Variants in POLA1 observed in about 807,000 individuals in gnomAD.
The protein encoded by POLA1 is DNA polymerase alpha catalytic subunit.
In POLA1, 15 loss-of-function variants were observed where a neutral mutation model predicts 124.0. The observed-to-expected ratio is 0.12, with a 90% CI of 0.08 to 0.19. The LOEUF (loss-of-function observed/expected upper bound fraction) is 0.19, where lower values mean the gene tolerates loss of function less well. Among genes scored for constraint, POLA1 ranks in the 10% least tolerant of loss-of-function variants. POLA1 has a pLI of 1.00. For synonymous variants in POLA1, 408 were observed against 389.4 expected (o/e 1.05, Z -0.56); for missense variants, 886 against 1,103.4 (o/e 0.80, Z 2.79).
rs762824656 is a variant in POLA1, at chrX:24,739,457, G to A, written c.2123G>A (p.Arg708His). The A allele has an allele frequency of 6.7e-6, 8 of 1,191,300 alleles. No homozygotes were observed. Among genetic ancestry groups the A allele is most frequent in the Middle Eastern group, 2.3e-4 (1 of 4,317 alleles). The stretch of plus-strand genomic sequence containing the variant: ...GAAATTTCAGCAAAGGAATTGATTC[G>A]TTGTAAAAGCTACCATCTGTCTGAA... ...DVEISAKELI[R>H]CKSYHLSELV... The change falls in exon 20 of 37, where the codon CGT becomes CAT. Residue 708 changes from arginine to histidine, a missense_variant. Physicochemically the swap from Arg to His is conservative, Grantham distance 29. Coordinates refer to ENST00000379068, the MANE Select transcript of POLA1 (RefSeq NM_001330360.2).
rs1248621629 is a variant in POLA1, at chrX:24,865,585, CAG to C, written c.4047+21912_4047+21913del. Among the ~76,000 whole-genome samples the C allele has an allele frequency of 3.6e-5, 4 of 111,694 alleles. No individual in the cohort carries two copies. The Admixed American group carries it at 3.8e-4, about 11-fold the overall frequency. On this transcript the variant is annotated intron_variant, in intron 34 of 36. Transcript: ENST00000379068. ...CCTCTGTCAAGGAACTATTAAAACA[CAG>C]AGATTTTTAAATATGCATATTCTAA...
chrX:24,910,881 T>G (rs1310355282), intron 35 of POLA1, among the ~76,000 whole-genome samples: 1 of 111,960 alleles, frequency 8.9e-6, no homozygotes, highest in Non-Finnish European at 1.9e-5. Flanking sequence ...GAACTGACAA[T>G]CTGATTAATA....
At chrX:24,719,480 A>G (rs771803283) in intron 10 of POLA1, among the ~76,000 whole-genome samples, 56 of 111,730 alleles carry the variant, frequency 5.0e-4, no homozygotes, top group African/African-American at 1.6e-3. Flanking sequence ...CTCTTTGACT[A>G]TTTTGTTACT....
rs2045407803 is a variant in POLA1 at position 24,788,317 on chromosome X, C to T, written c.2965-21581C>T. The T allele has an allele frequency of 5.3e-5, 53 of 1,001,797 alleles. No individual in the cohort carries two copies. In the South Asian group the frequency reaches 1.2e-3, roughly 23 times the overall value. The allele number at this position is 1,001,797 out of a possible 1,213,427, so 82.6% of individuals were successfully genotyped here. A position where few individuals can be genotyped will look rare whatever the true frequency, so the allele number is the denominator to read the frequency against. On this transcript the variant is annotated intron_variant, in intron 26 of 36. Coordinates refer to ENST00000379068, the MANE Select transcript of POLA1 (RefSeq NM_001330360.2). ...TAAGATTGGGAACAAGATAAGGATG[C>T]CCACTTTTACTACTTCTTTTTTTTT... is the stretch of plus-strand genomic sequence containing the variant.
At chrX:24,868,077 G>A (rs2046818003) in intron 34 of POLA1, among the ~76,000 whole-genome samples, 1 of 111,745 alleles carries the variant, frequency 8.9e-6, no homozygotes, top group African/African-American at 3.3e-5. Flanking sequence ...CTGTACGAAA[G>A]CTGCCCCTTA....
At chrX:24,733,064 T>C (rs957483672) in intron 16 of POLA1, among the ~76,000 whole-genome samples, 1 of 112,288 alleles carries the variant, frequency 8.9e-6, no homozygotes, top group Non-Finnish European at 1.9e-5. Context: ...AATAATACCA[T>C]TGACCTATTA....
intron 36 of POLA1, among the ~76,000 whole-genome samples, chrX:24,965,963 G>A (rs2048217056): frequency 8.9e-6 from 1 of 111,758 alleles, no homozygotes; most frequent in Non-Finnish European, 1.9e-5. Flanking sequence ...CCTCTGATTG[G>A]CAATTCAAAT....
At chrX:24,800,577 G>A (rs987411686) in intron 26 of POLA1, among the ~76,000 whole-genome samples, 2 of 111,833 alleles carry the variant, frequency 1.8e-5, no homozygotes, top group Non-Finnish European at 3.8e-5. Context: ...GATATAACCC[G>A]AAGAATGGCA....
chrX:24,912,123 G>C (rs1426559220), intron 35 of POLA1, among the ~76,000 whole-genome samples: 2 of 112,231 alleles, frequency 1.8e-5, no homozygotes, highest in Admixed American at 1.9e-4. Context: ...ATGGAGAAGG[G>C]GTAGTCCTTT....
chrX:24,738,041 G>A (rs41549915), intron 19 of POLA1, among the ~76,000 whole-genome samples: 1 of 101,659 alleles, frequency 9.8e-6, no homozygotes, highest in Non-Finnish European at 1.9e-5. Flanking sequence ...GTGAAACCCC[G>A]TCTCTACTAA....
At chrX:24,943,713 C>T (rs1266544416) in intron 36 of POLA1, among the ~76,000 whole-genome samples, 1 of 112,527 alleles carries the variant, frequency 8.9e-6, no homozygotes, top group Non-Finnish European at 1.9e-5. Context: ...GACTAAACTA[C>T]ACTTGTCAAA....
intron 26 of POLA1, among the ~76,000 whole-genome samples, chrX:24,801,926 T>TGTGTGTGTGTGTGG (rs2045716409): frequency 1.2e-5 from 1 of 85,573 alleles, no homozygotes; most frequent in East Asian, 3.8e-4. Flanking sequence ...GGTGGGTGGG[T>TGTGTGTGTGTGTGG]GTGTGTGTGT....
rs776861910 is a variant in POLA1 at position 24,995,963 on chromosome X, A to C, written c.*13A>C. The C allele has an allele frequency of 8.3e-6, 10 of 1,202,373 alleles. No homozygotes were observed. The highest frequency in any genetic ancestry group is 1.8e-5 in the African/African-American group (1 of 56,725). On this transcript the variant is annotated 3_prime_UTR_variant, in exon 37 of 37. Coordinates refer to ENST00000379068, the MANE Select transcript of POLA1 (RefSeq NM_001330360.2). Reference sequence around the variant, plus strand: ...CGTGAAATCCTAAGGGAATCCCAGGAGTAACCAAGGAGGGGGTAGTTGAAA... The same window carrying C: ...CGTGAAATCCTAAGGGAATCCCAGGCGTAACCAAGGAGGGGGTAGTTGAAA...
intron 32 of POLA1, among the ~76,000 whole-genome samples, chrX:24,832,623 T>C (rs1411549671): frequency 8.9e-6 from 1 of 112,313 alleles, no homozygotes; most frequent in Non-Finnish European, 1.9e-5. Flanking sequence ...ATTGTTTTAA[T>C]TAAGTACACC....
intron 35 of POLA1, among the ~76,000 whole-genome samples, chrX:24,926,121 G>A (rs1224316178): frequency 9.2e-6 from 1 of 108,767 alleles, no homozygotes; most frequent in African/African-American, 3.4e-5. Flanking sequence ...TGGGAGGATT[G>A]CTTGAGCCCA....
At chrX:24,833,370 A>C in intron 32 of POLA1, among the ~76,000 whole-genome samples, 1 of 111,487 alleles carries the variant, frequency 9.0e-6, no homozygotes, top group Non-Finnish European at 1.9e-5. Flanking sequence ...TGCACGTGCA[A>C]GTATCTTTTT....
chrX:24,698,295 A>C (rs960750942), intron 1 of POLA1, among the ~76,000 whole-genome samples: 10 of 112,142 alleles, frequency 8.9e-5, no homozygotes, highest in African/African-American at 2.3e-4. Flanking sequence ...TCGGAGCATG[A>C]ATAATTCAAA....
At chrX:24,711,557 A>G (rs1569275710) in intron 4 of POLA1, among the ~76,000 whole-genome samples, 1 of 112,260 alleles carries the variant, frequency 8.9e-6, no homozygotes, top group Non-Finnish European at 1.9e-5. Context: ...CCTCAGAGAA[A>G]ATTCCCAGAA....
At chrX:24,715,582 C>CGTAA (rs1230909670) in intron 6 of POLA1, among the ~76,000 whole-genome samples, 1 of 112,433 alleles carries the variant, frequency 8.9e-6, no homozygotes, top group Non-Finnish European at 1.9e-5. Context: ...GCGTGAGCCA[C>CGTAA]TGTGCCCGGC....
Sources: gnomAD v4.1 joint callset for allele counts (sites outside exome capture counted in the v4.1 genomes callset) on GRCh38, gnomAD v4.1.1 for gene constraint, MANE v1.5 for transcripts, NCBI Gene and HGNC (gene_info 2026-07-23, HGNC 2026-07-21) for gene names.